Variants in OSBPL9 observed in about 807,000 individuals in gnomAD.
OSBPL9 encodes oxysterol binding protein like 9.
Under a neutral mutation model 106.6 loss-of-function variants are expected in OSBPL9, and 40 were observed. That is an observed-to-expected ratio of 0.38 (90% CI 0.29 to 0.49). The LOEUF is 0.49. OSBPL9 is among the 20% of genes least tolerant of loss of function. The pLI is 0.97. For missense variants in OSBPL9, 609 were observed against 887.2 expected (o/e 0.69, Z 3.98); for synonymous variants, 269 against 295.4 (o/e 0.91, Z 0.92).
the OSBPL9 span, among the ~76,000 whole-genome samples, chr1:51,559,904 T>C: frequency 6.6e-6 from 1 of 152,012 alleles, no homozygotes; most frequent in Non-Finnish European, 1.5e-5. Flanking sequence ...ATTCTTCAAA[T>C]TAGATAGGAA....
chr1:51,749,822 G>A (rs1468707949), intron 7 of OSBPL9, among the ~76,000 whole-genome samples: 1 of 150,720 alleles, frequency 6.6e-6, no homozygotes, highest in African/African-American at 2.4e-5. Context: ...CTATAATTGT[G>A]CCTGTGAATA....
intron 17 of OSBPL9, among the ~76,000 whole-genome samples, chr1:51,783,348 TA>T (rs1208456269): frequency 1.3e-5 from 2 of 148,650 alleles, no homozygotes; most frequent in Non-Finnish European, 3.0e-5. Context: ...CTAATTTTCT[TA>T]TTTTTTTTTT....
intron 2 of OSBPL9, among the ~76,000 whole-genome samples, chr1:51,607,727 C>T (rs1014894390): frequency 1.3e-5 from 2 of 152,164 alleles, no homozygotes; most frequent in Non-Finnish European, 2.9e-5. Context: ...TGAATCCATA[C>T]GGGTTTGCAG....
chr1:51,640,484 T>C (rs1645718168), intron 1 of OSBPL9, among the ~76,000 whole-genome samples: 1 of 152,218 alleles, frequency 6.6e-6, no homozygotes, highest in African/African-American at 2.4e-5. Flanking sequence ...TGCTTTTTAT[T>C]AGATATTATT....
chr1:51,708,460 T>G (rs1416657404), intron 3 of OSBPL9, among the ~76,000 whole-genome samples: 4 of 152,170 alleles, frequency 2.6e-5, no homozygotes, highest in Non-Finnish European at 1.5e-5. Flanking sequence ...ATATGTTCAT[T>G]GAATCAAGTT....
intron 3 of OSBPL9, among the ~76,000 whole-genome samples, chr1:51,710,313 CAGTG>C (rs745428724): frequency 1.1e-4 from 16 of 152,150 alleles, no homozygotes; most frequent in African/African-American, 2.2e-4. Flanking sequence ...TTCTTTTGCA[CAGTG>C]AGTATTTGTA....
Position 51,597,685 on chromosome 1 carries a change from G to A in OSBPL9, c.-422-439G>A, listed in dbSNP as rs372294171. 5.1e-4 allele frequency among the ~76,000 whole-genome samples: 77 copies of A among 152,194 alleles called. 3 individuals are homozygous for A. The South Asian group carries it at 0.012, about 24-fold the overall frequency. On this transcript the variant is annotated intron_variant, in intron 1 of 25. Transcript: ENST00000371714. ...TACCCAGAACTGACGAAGAGAACCCGAGCCCTGAGAGTTGGGCAGAGAAAA... is the reference window on the plus strand; with the variant it reads ...TACCCAGAACTGACGAAGAGAACCCAAGCCCTGAGAGTTGGGCAGAGAAAA...
At chr1:51,555,708 C>T in the OSBPL9 span, among the ~76,000 whole-genome samples, 2 of 151,940 alleles carry the variant, frequency 1.3e-5, no homozygotes, top group East Asian at 3.9e-4. Flanking sequence ...TCTGAGATTA[C>T]AGGCATGTGC....
intron 1 of OSBPL9, among the ~76,000 whole-genome samples, chr1:51,629,472 C>T (rs1335288747): frequency 6.6e-6 from 1 of 152,096 alleles, no homozygotes; most frequent in African/African-American, 2.4e-5. Context: ...GTGTGGATGT[C>T]ATAAAGTGGG....
chr1:51,590,747 G>T (rs934345742), intron 1 of OSBPL9, among the ~76,000 whole-genome samples: 2 of 151,878 alleles, frequency 1.3e-5, no homozygotes, highest in Non-Finnish European at 1.5e-5. Context: ...AATCAAAGAT[G>T]ATTCTTAATT....
intron 2 of OSBPL9, among the ~76,000 whole-genome samples, chr1:51,607,191 T>C (rs571882613): frequency 1.1e-4 from 15 of 141,126 alleles, no homozygotes; most frequent in African/African-American, 4.0e-4. Flanking sequence ...TGAGACAGAG[T>C]CATGCTCTGT....
intron 9 of OSBPL9, 31 bp from the exon 10 acceptor site, chr1:51,760,659 A>G (rs1380112303): frequency 6.2e-7 from 1 of 1,612,834 alleles, no homozygotes; most frequent in South Asian, 1.1e-5. Context: ...CATTTAATTA[A>G]AAATAGCTAT....
chr1:51,730,924 GTAGT>G (rs1365935892), intron 4 of OSBPL9, among the ~76,000 whole-genome samples: 1 of 152,082 alleles, frequency 6.6e-6, no homozygotes, highest in African/African-American at 2.4e-5. Flanking sequence ...AAATTCTCAC[GTAGT>G]TAATTATGAA....
At chr1:51,646,392 T>G (rs1250643231) in intron 1 of OSBPL9, among the ~76,000 whole-genome samples, 5 of 152,184 alleles carry the variant, frequency 3.3e-5, no homozygotes, top group African/African-American at 9.6e-5. Flanking sequence ...ATGGAATTGT[T>G]TTCTTAGTTA....
At position 51,729,979 on chromosome 1, in the gene OSBPL9, C is replaced by G. The variant is rs774412890; in HGVS notation, c.319-15557C>G. ...AGAGGGCGGGGGCCTTGGCGAATGG[C>G]TTTCTTGCTGGCCACTTGCGGAGTG... On this transcript the variant is annotated intron_variant, in intron 4 of 23. Transcript: ENST00000428468. This position sits in a 1 kb window ranked among gnomAD's most constrained non-coding sequence, Gnocchi z 5.1. 7.6e-7 allele frequency: 1 copy of G among 1,317,460 alleles called. No homozygotes were observed. Among genetic ancestry groups the G allele is most frequent in the Admixed American group, 3.1e-5 (1 of 32,730 alleles). 81.6% of individuals were successfully genotyped at this position (1,317,460 alleles called of 1,614,324 possible).
the OSBPL9 span, among the ~76,000 whole-genome samples, chr1:51,559,440 T>TACACACACACAC: frequency 2.6e-3 from 390 of 147,642 alleles, no homozygotes; most frequent in African/African-American, 9.2e-3. Flanking sequence ...CACACATACA[T>TACACACACACAC]ACACACACAC....
intron 12 of OSBPL9, among the ~76,000 whole-genome samples, chr1:51,768,090 C>T (rs576765764): frequency 3.3e-5 from 5 of 151,524 alleles, no homozygotes; most frequent in Admixed American, 6.6e-5. Context: ...TACAGGCGCC[C>T]GCCACCACGC....
intron 1 of OSBPL9, among the ~76,000 whole-genome samples, chr1:51,586,229 A>G (rs1021109110): frequency 6.6e-6 from 1 of 152,064 alleles, no homozygotes; most frequent in Non-Finnish European, 1.5e-5. Context: ...ACACAAGTTC[A>G]TTGTAGAAAA....
chr1:51,613,701 C>T (rs1644004968), upstream of OSBPL9, among the ~76,000 whole-genome samples: 1 of 151,738 alleles, frequency 6.6e-6, no homozygotes, highest in South Asian at 2.1e-4. Context: ...TGAATAGGAA[C>T]CATGTCTCTT....
Sources: gnomAD v4.1 joint callset for allele counts (sites outside exome capture counted in the v4.1 genomes callset) on GRCh38, gnomAD v4.1.1 for gene constraint, Gnocchi (gnomAD v3.1) non-coding constraint, MANE v1.5 for transcripts, NCBI Gene and HGNC (gene_info 2026-07-23, HGNC 2026-07-21) for gene names.